Variants in BRINP1 observed in about 807,000 individuals in gnomAD.
BRINP1 encodes BMP/retinoic acid-inducible neural-specific protein 1.
BRINP1 carries 17 observed loss-of-function variants against 72.9 expected under a neutral mutation model. That is an observed-to-expected ratio of 0.23 (90% CI 0.16 to 0.35). The LOEUF is 0.35. BRINP1 is among the 10% of genes least tolerant of loss of function. BRINP1 has a pLI of 1.00. For missense variants in BRINP1, 850 were observed against 1,001.6 expected (o/e 0.85, Z 2.04); for synonymous variants, 418 against 378.5 (o/e 1.10, Z -1.21).
rs1378670806 is a variant in BRINP1 at position 119,168,069 on chromosome 9, T to C, written c.1301A>G (p.Asn434Ser). 1 of 1,610,230 alleles carries C rather than the reference T, an allele frequency of 6.2e-7. No homozygotes were observed. Among genetic ancestry groups the C allele is most frequent in the African/African-American group, 1.3e-5 (1 of 74,854 alleles). ...GGCCAGGCTGCACATGGCGCAGCTG[T>C]TGTTCCCGCCTATCACGCAGGGGAT... ...RPIPCVIGGNNSCAMCSLANI... is the reference protein window; with the variant it reads ...RPIPCVIGGNSSCAMCSLANI... The change falls in exon 8 of 8, where the codon AAC becomes AGC. Residue 434 changes from asparagine to serine, a missense_variant. Transcript: ENST00000265922.
chr9:119,310,020 C>G (rs1398660765), intron 2 of BRINP1, among the ~76,000 whole-genome samples: 7 of 152,146 alleles, frequency 4.6e-5, no homozygotes, highest in Admixed American at 4.6e-4. Flanking sequence ...ACCTAAATCT[C>G]TAGACTCCAG....
At chr9:119,345,021 T>A (rs1372788974) in intron 1 of BRINP1, among the ~76,000 whole-genome samples, 2 of 152,170 alleles carry the variant, frequency 1.3e-5, no homozygotes, top group Non-Finnish European at 2.9e-5. Flanking sequence ...CAAGAATGCA[T>A]GTAACATCTT....
chr9:119,191,988 G>C (rs756672209), intron 7 of BRINP1, among the ~76,000 whole-genome samples: 3 of 151,820 alleles, frequency 2.0e-5, no homozygotes, highest in Non-Finnish European at 4.4e-5. Context: ...GGCACCAAGA[G>C]GATACTATGG....
At chr9:119,241,125 A>T (rs953767807) in intron 4 of BRINP1, among the ~76,000 whole-genome samples, 1 of 152,184 alleles carries the variant, frequency 6.6e-6, no homozygotes, top group African/African-American at 2.4e-5. Flanking sequence ...TGCTTTTCTC[A>T]ATGTGACCAT....
intron 2 of BRINP1, among the ~76,000 whole-genome samples, chr9:119,269,621 GT>G (rs1830587468): frequency 6.6e-6 from 1 of 152,272 alleles, no homozygotes; most frequent in African/African-American, 2.4e-5. Context: ...GCCTTATGTG[GT>G]AGAGATTTTT....
intron 5 of BRINP1, among the ~76,000 whole-genome samples, chr9:119,236,547 T>C (rs1830193426): frequency 6.6e-6 from 1 of 152,146 alleles, no homozygotes; most frequent in Non-Finnish European, 1.5e-5. Flanking sequence ...GAATATGTCA[T>C]TAATTCCTTC....
At chr9:119,265,156 C>T (rs534683372) in intron 2 of BRINP1, among the ~76,000 whole-genome samples, 1 of 152,312 alleles carries the variant, frequency 6.6e-6, no homozygotes, top group South Asian at 2.1e-4. Flanking sequence ...ACCAATATCA[C>T]CTTGCACTTC....
chr9:119,239,362 T>C (rs938190374), intron 4 of BRINP1, among the ~76,000 whole-genome samples: 1 of 152,218 alleles, frequency 6.6e-6, no homozygotes, highest in African/African-American at 2.4e-5. Flanking sequence ...AGAAGCATTG[T>C]GCTGCCACAG....
chr9:119,212,526 T>C (rs941538685), intron 6 of BRINP1, among the ~76,000 whole-genome samples: 8 of 152,218 alleles, frequency 5.3e-5, no homozygotes, highest in Non-Finnish European at 8.8e-5. Context: ...ATCCTGCCAT[T>C]TACTAACTGT....
intron 2 of BRINP1, among the ~76,000 whole-genome samples, chr9:119,257,905 G>A (rs1347716162): frequency 8.5e-5 from 13 of 152,086 alleles, no homozygotes. Context: ...AACACAACTG[G>A]CAAGGCAGCT....
intron 1 of BRINP1, among the ~76,000 whole-genome samples, chr9:119,321,806 T>C (rs1831191951): frequency 6.6e-6 from 1 of 152,226 alleles, no homozygotes; most frequent in Admixed American, 6.5e-5. Flanking sequence ...CATGTTGGAA[T>C]ATTATGATCT....
chr9:119,348,734 A>C (rs548914105), intron 1 of BRINP1, among the ~76,000 whole-genome samples: 4 of 152,288 alleles, frequency 2.6e-5, no homozygotes, highest in African/African-American at 9.6e-5. Flanking sequence ...GTCAACACTT[A>C]CTATGGTGTC....
At chr9:119,225,729 G>A (rs1239244312) in intron 5 of BRINP1, among the ~76,000 whole-genome samples, 1 of 151,932 alleles carries the variant, frequency 6.6e-6, no homozygotes, top group Non-Finnish European at 1.5e-5. Context: ...AAGGGAAGGG[G>A]AAATAGAGAA....
chr9:119,336,398 A>G (rs987378875), intron 1 of BRINP1, among the ~76,000 whole-genome samples: 3 of 152,166 alleles, frequency 2.0e-5, no homozygotes, highest in Non-Finnish European at 4.4e-5. Flanking sequence ...TTAACATAGG[A>G]ACCATTTCCC....
In BRINP1 at chr9:119,289,474, A is replaced by T. The variant is rs146635620; in HGVS notation, c.218+23664T>A. 2.2e-3 allele frequency among the ~76,000 whole-genome samples: 341 copies of T among 152,306 alleles called. 1 individual carries two copies. Among genetic ancestry groups the T allele is most frequent in the Non-Finnish European group, 3.5e-3 (235 of 68,012 alleles). ...GGAGGCCTGATTAGGAAACTATTGCAATTATGGGACTGAAAGAAGCTGATG... is the reference window on the plus strand; with the variant it reads ...GGAGGCCTGATTAGGAAACTATTGCTATTATGGGACTGAAAGAAGCTGATG... On this transcript the variant is annotated intron_variant, in intron 2 of 7. Coordinates refer to ENST00000265922, the MANE Select transcript of BRINP1 (RefSeq NM_014618.3).
intron 5 of BRINP1, among the ~76,000 whole-genome samples, chr9:119,225,288 A>G (rs985832334): frequency 6.6e-6 from 1 of 152,006 alleles, no homozygotes; most frequent in Non-Finnish European, 1.5e-5. Flanking sequence ...ACAAAATACC[A>G]CATATTGTAT....
chr9:119,358,680 C>T (rs1019538845), intron 1 of BRINP1, among the ~76,000 whole-genome samples: 9 of 151,736 alleles, frequency 5.9e-5, no homozygotes, highest in East Asian at 1.9e-4. Flanking sequence ...GGCGACAGAG[C>T]GAGACTCCAT....
Position 119,167,254 on chromosome 9 carries a change from G to A in BRINP1, c.2116C>T (p.Leu706=). 1 of 1,614,214 alleles carries A rather than the reference G, an allele frequency of 6.2e-7. No individual in the cohort carries two copies. Among genetic ancestry groups the A allele is most frequent in the East Asian group, 2.2e-5 (1 of 44,872 alleles). The stretch of plus-strand genomic sequence containing the variant: ...TTCCCCGGGGCCACAGGAGGGGCCA[G>A]GCGATTAATTCGGTCCCGAATATCC... ...LLDIRDRINR[L]APPVAPGKPQ... is the part of the protein sequence containing the mutation. The change falls in exon 8 of 8, where the codon CTG becomes TTG. Residue 706 remains leucine (L), a synonymous_variant. Coordinates refer to ENST00000265922, the MANE Select transcript of BRINP1 (RefSeq NM_014618.3). This position sits in a 1 kb window ranked among gnomAD's most constrained non-coding sequence, Gnocchi z 4.3.
chr9:119,289,912 T>C (rs1210325720), intron 2 of BRINP1, among the ~76,000 whole-genome samples: 11 of 152,214 alleles, frequency 7.2e-5, no homozygotes, highest in Non-Finnish European at 1.3e-4. Flanking sequence ...TTATTATCTC[T>C]TGACTGGGCC....
Sources: gnomAD v4.1 joint callset for allele counts (sites outside exome capture counted in the v4.1 genomes callset) on GRCh38, gnomAD v4.1.1 for gene constraint, Gnocchi (gnomAD v3.1) non-coding constraint, MANE v1.5 for transcripts, NCBI Gene and HGNC (gene_info 2026-07-23, HGNC 2026-07-21) for gene names.